Variants in HYCC2 observed in about 807,000 individuals in gnomAD.
HYCC2 encodes the protein hyccin 2.
At chr2:201,039,048 G>A in the HYCC2 span, among the ~76,000 whole-genome samples, 13 of 151,982 alleles carry the variant, frequency 8.6e-5, no homozygotes, top group East Asian at 2.5e-3. Flanking sequence ...CTGACACCTG[G>A]CATTCTCTCC....
At chr2:201,023,796 C>T in the HYCC2 span, 1 of 538,100 alleles carries the variant, frequency 1.9e-6, no homozygotes, top group Non-Finnish European at 3.3e-6. Context: ...TTAAGAACTG[C>T]AATTACAGAA....
the HYCC2 span, chr2:201,022,860 A>G: frequency 3.1e-6 from 5 of 1,611,680 alleles, no homozygotes; most frequent in South Asian, 4.4e-5. Context: ...ATAACTTTAT[A>G]GAGGGCTGGT....
chr2:201,000,429 C>T, the HYCC2 span, among the ~76,000 whole-genome samples: 1 of 152,084 alleles, frequency 6.6e-6, no homozygotes, highest in Non-Finnish European at 1.5e-5. Flanking sequence ...GCATATTTAG[C>T]TTTGGGGAAA....
the HYCC2 span, chr2:201,067,024 T>C: frequency 2.8e-6 from 1 of 351,170 alleles, no homozygotes. Context: ...TCATTGTGGA[T>C]GTTAAAGCCA....
At chr2:201,033,196 T>TGTGTGTGAGAGA in the HYCC2 span, among the ~76,000 whole-genome samples, 1 of 106,256 alleles carries the variant, frequency 9.4e-6, no homozygotes, top group Non-Finnish European at 2.0e-5. Flanking sequence ...TGTGTGTGTG[T>TGTGTGTGAGAGA]GAGAGAGAGA....
chr2:201,042,497 G>T, the HYCC2 span, among the ~76,000 whole-genome samples: 2 of 150,376 alleles, frequency 1.3e-5, no homozygotes, highest in Non-Finnish European at 3.0e-5. Context: ...CCGCGACCCC[G>T]TCTGGGAACT....
At chr2:201,018,846 A>G in the HYCC2 span, among the ~76,000 whole-genome samples, 1 of 151,882 alleles carries the variant, frequency 6.6e-6, no homozygotes, top group Non-Finnish European at 1.5e-5. Context: ...AAATATTCCA[A>G]CTCTTCCCTT....
chr2:201,057,399 T>A, the HYCC2 span, among the ~76,000 whole-genome samples: 1 of 152,204 alleles, frequency 6.6e-6, no homozygotes. Context: ...ACTATGATAA[T>A]AGAAGCAGAG....
At chr2:201,009,864 G>A in the HYCC2 span, among the ~76,000 whole-genome samples, 1 of 151,974 alleles carries the variant, frequency 6.6e-6, no homozygotes, top group East Asian at 2.0e-4. Flanking sequence ...AGCACTTCGG[G>A]AGGCCAAGGT....
chr2:200,985,429 G>A, the HYCC2 span, among the ~76,000 whole-genome samples: 14 of 152,098 alleles, frequency 9.2e-5, no homozygotes, highest in Non-Finnish European at 1.6e-4. Flanking sequence ...GGGAGGCTGA[G>A]GTGGGCAGAT....
At chr2:201,060,162 C>CTAACTATGT in the HYCC2 span, among the ~76,000 whole-genome samples, 1 of 151,640 alleles carries the variant, frequency 6.6e-6, no homozygotes, top group Non-Finnish European at 1.5e-5. Context: ...ACATAGTTAG[C>CTAACTATGT]ACTTAATTCA....
chr2:200,987,606 A>G, the HYCC2 span: 33 of 1,149,392 alleles, frequency 2.9e-5, no homozygotes, highest in Non-Finnish European at 3.7e-5. Flanking sequence ...ACCCAGGCAG[A>G]TAAGAGAATG....
chr2:200,973,883 C>G, the HYCC2 span: 1 of 152,082 alleles, frequency 6.6e-6, no homozygotes, highest in African/African-American at 2.4e-5. Flanking sequence ...TTTTATACAT[C>G]TTTATTTACA....
At chr2:201,007,283 A>G in the HYCC2 span, among the ~76,000 whole-genome samples, 3 of 152,168 alleles carry the variant, frequency 2.0e-5, no homozygotes, top group African/African-American at 4.8e-5. Context: ...TAATACATCT[A>G]CCCTACTGAA....
the HYCC2 span, among the ~76,000 whole-genome samples, chr2:201,044,418 A>G: frequency 1.3e-5 from 2 of 152,206 alleles, no homozygotes; most frequent in African/African-American, 2.4e-5. Flanking sequence ...AGCCCTAACT[A>G]CAACATAATG....
the HYCC2 span, among the ~76,000 whole-genome samples, chr2:201,068,083 G>A: frequency 2.0e-5 from 3 of 152,132 alleles, no homozygotes; most frequent in Middle Eastern, 3.4e-3. Flanking sequence ...TCCGGAGTTC[G>A]AGACCAGCCT....
the HYCC2 span, among the ~76,000 whole-genome samples, chr2:201,007,838 A>G: frequency 6.6e-6 from 1 of 152,230 alleles, no homozygotes; most frequent in African/African-American, 2.4e-5. Flanking sequence ...TGATGCCTCA[A>G]TAAAAAAAAC....
the HYCC2 span, among the ~76,000 whole-genome samples, chr2:200,983,254 G>A: frequency 2.0e-5 from 3 of 152,106 alleles, no homozygotes; most frequent in Non-Finnish European, 4.4e-5. Context: ...CTTCTGTAAA[G>A]TTTAATCTGA....
the HYCC2 span, among the ~76,000 whole-genome samples, chr2:201,037,808 A>G: frequency 6.6e-6 from 1 of 152,134 alleles, no homozygotes; most frequent in African/African-American, 2.4e-5. Flanking sequence ...AACCTAGGCA[A>G]TACCATTCAG....
Sources: allele counts gnomAD v4.1 joint callset (sites outside exome capture counted in the v4.1 genomes callset), GRCh38; gene constraint gnomAD v4.1.1; transcripts MANE v1.5; gene names NCBI Gene and HGNC (gene_info 2026-07-23, HGNC 2026-07-21).